PRTFDC1: variants seen among roughly 807,000 people sequenced by gnomAD.
PRTFDC1 encodes the protein phosphoribosyl transferase domain containing 1.
A neutral mutation model predicts 34.6 loss-of-function variants in PRTFDC1; 38 were observed. The observed-to-expected ratio is 1.10, with a 90% CI of 0.85 to 1.44. PRTFDC1 has a LOEUF of 1.44. Among genes scored for constraint, PRTFDC1 ranks in the 40% most tolerant of loss-of-function variants. The pLI, the probability that PRTFDC1 is intolerant of heterozygous loss-of-function variation, is 0.00. For synonymous variants in PRTFDC1, 93 were observed against 98.1 expected (o/e 0.95, Z 0.31); for missense variants, 270 against 283.0 (o/e 0.95, Z 0.33).
chr10:24,922,256 C>A (rs952318384), intron 3 of PRTFDC1, among the ~76,000 whole-genome samples: 1 of 152,128 alleles, frequency 6.6e-6, no homozygotes, highest in Admixed American at 6.6e-5. Context: ...TTGCTGCCTG[C>A]AATTATTTTC....
intron 1 of PRTFDC1, among the ~76,000 whole-genome samples, chr10:24,949,980 C>A (rs923452053): frequency 1.3e-5 from 2 of 151,942 alleles, no homozygotes; most frequent in East Asian, 3.9e-4. Flanking sequence ...GAGATCCACC[C>A]ACCTCGGCCT....
In PRTFDC1 at chr10:24,888,317, G is replaced by C. The variant is rs1848204648; in HGVS notation, c.340-16254C>G. Among the ~76,000 whole-genome samples the C allele has an allele frequency of 2.0e-5, 3 of 152,214 alleles. No homozygotes were observed. The South Asian group carries it at 6.2e-4, about 32-fold the overall frequency. Reference sequence around the variant, plus strand: ...GTGGCTCAGACCCTGCCCTGCCCCTGTCTTAAGCTCCCTGATGCTAGTCTT... The same window carrying C: ...GTGGCTCAGACCCTGCCCTGCCCCTCTCTTAAGCTCCCTGATGCTAGTCTT... On this transcript the variant is annotated intron_variant, in intron 3 of 8. Coordinates refer to ENST00000320152, the MANE Select transcript of PRTFDC1 (RefSeq NM_020200.7).
intron 2 of PRTFDC1, among the ~76,000 whole-genome samples, chr10:24,939,157 C>A (rs866733386): frequency 1.3e-5 from 2 of 151,752 alleles, no homozygotes; most frequent in African/African-American, 4.8e-5. Context: ...AAAAATTAGC[C>A]GGGCTTGGTG....
At chr10:24,928,756 G>A (rs1848920777) in intron 3 of PRTFDC1, among the ~76,000 whole-genome samples, 2 of 151,648 alleles carry the variant, frequency 1.3e-5, no homozygotes, top group Non-Finnish European at 2.9e-5. Context: ...AGAAGCTTTC[G>A]GCTGAGCGCA....
At chr10:24,916,317 A>G (rs1278637200) in intron 3 of PRTFDC1, among the ~76,000 whole-genome samples, 1 of 152,156 alleles carries the variant, frequency 6.6e-6, no homozygotes, top group South Asian at 2.1e-4. Flanking sequence ...TACCCCTTTC[A>G]TTCTATTCTC....
intron 4 of PRTFDC1, among the ~76,000 whole-genome samples, chr10:24,865,730 GCA>G (rs1847763365): frequency 6.6e-6 from 1 of 152,200 alleles, no homozygotes; most frequent in Admixed American, 6.5e-5. Flanking sequence ...GTATTTTAGA[GCA>G]CACAGTGATT....
chr10:24,941,620 G>A (rs556490074), intron 2 of PRTFDC1, among the ~76,000 whole-genome samples: 4 of 152,234 alleles, frequency 2.6e-5, no homozygotes, highest in African/African-American at 9.6e-5. Flanking sequence ...AAGTTTACTG[G>A]ATGATTCTCT....
intron 3 of PRTFDC1, among the ~76,000 whole-genome samples, chr10:24,904,233 C>G (rs11014290): frequency 0.15 from 21,856 of 150,358 alleles, 1,789 homozygotes; most frequent in East Asian, 0.29. Context: ...ATTTATACCA[C>G]TAAGATTCTC....
chr10:24,929,040 C>CAAAAAAA lies in PRTFDC1; in HGVS notation c.339+8137_339+8143dup, dbSNP rs536613455. Among the ~76,000 whole-genome samples, 30 of 73,566 alleles carry CAAAAAAA rather than the reference C, an allele frequency of 4.1e-4. 1 individual carries two copies. The highest frequency in any genetic ancestry group is 8.8e-3 in the Middle Eastern group (1 of 114). The allele number at this position is 73,566 out of a possible 152,430, so 48.3% of individuals were successfully genotyped here. On this transcript the variant is annotated intron_variant, in intron 3 of 8. Transcript: ENST00000320152. The stretch of plus-strand genomic sequence containing the variant: ...TAGGCGACAGAGGCAGACTCCGTCT[C>CAAAAAAA]AAAAAAAAAAAAAAAGAAAGAAAGA...
intron 3 of PRTFDC1, among the ~76,000 whole-genome samples, chr10:24,875,228 T>C (rs539164471): frequency 1.1e-3 from 162 of 152,356 alleles, no homozygotes; most frequent in African/African-American, 3.6e-3. Flanking sequence ...AATTAGCATA[T>C]CCAACACTTC....
chr10:24,939,301 C>T (rs1483883411), intron 2 of PRTFDC1, among the ~76,000 whole-genome samples: 1 of 89,810 alleles, frequency 1.1e-5, no homozygotes, highest in African/African-American at 4.3e-5. Flanking sequence ...AACTCTGACT[C>T]AAAAAAAAAA....
chr10:24,904,005 A>G (rs1056903658), intron 3 of PRTFDC1, among the ~76,000 whole-genome samples: 4 of 151,972 alleles, frequency 2.6e-5, no homozygotes, highest in African/African-American at 9.7e-5. Flanking sequence ...CTATTCTAAG[A>G]ACTGTATTTG....
chr10:24,879,727 G>A (rs1469575703), intron 3 of PRTFDC1, among the ~76,000 whole-genome samples: 3 of 152,180 alleles, frequency 2.0e-5, no homozygotes, highest in Admixed American at 2.0e-4. Context: ...AAACTATTAA[G>A]TGGGTGCAAA....
At chr10:24,923,179 C>T (rs1031173989) in intron 3 of PRTFDC1, among the ~76,000 whole-genome samples, 14 of 152,244 alleles carry the variant, frequency 9.2e-5, no homozygotes, top group Non-Finnish European at 1.8e-4. Flanking sequence ...CACAGCTCAG[C>T]AAGGCCTACC....
In PRTFDC1 at chr10:24,872,788, G is replaced by GTGTATA. The variant is rs1200742472; in HGVS notation, c.340-726_340-725insTATACA. ...TGTGTATATATATATGTGTGTGTGT[G>GTGTATA]TATATATATATATATATATTTTTTT... is the stretch of plus-strand genomic sequence containing the variant. On this transcript the variant is annotated intron_variant, in intron 3 of 8. Coordinates refer to ENST00000320152, the MANE Select transcript of PRTFDC1 (RefSeq NM_020200.7). Among the ~76,000 whole-genome samples, 243 of 83,174 alleles carry GTGTATA rather than the reference G, an allele frequency of 2.9e-3. 5 individuals are homozygous for GTGTATA. Among genetic ancestry groups the GTGTATA allele is most frequent in the East Asian group, 5.9e-3 (17 of 2,902 alleles). The allele number at this position is 83,174 out of a possible 152,430, so 54.6% of individuals were successfully genotyped here. A position where few individuals can be genotyped will look rare whatever the true frequency, so the allele number is the denominator to read the frequency against.
At chr10:24,874,010 C>T (rs7897201) in intron 3 of PRTFDC1, among the ~76,000 whole-genome samples, 3,982 of 151,010 alleles carry the variant, frequency 0.026, 176 homozygotes, top group African/African-American at 0.091. Flanking sequence ...TGGGCTCAAG[C>T]GATCCTCCTG....
chr10:24,895,347 G>A (rs569798333), intron 3 of PRTFDC1, among the ~76,000 whole-genome samples: 2 of 136,540 alleles, frequency 1.5e-5, no homozygotes, highest in East Asian at 4.8e-4. Context: ...TGCCCCCTGG[G>A]TTCAAGACAT....
rs754717241 is a variant in PRTFDC1 at position 24,937,220 on chromosome 10, TG to T, written c.302del (p.Ser101Ter). Reference sequence around the variant, plus strand: ...TTAGTCTGATGAAATCAACCTTCATTGAGACAAATCGATCTGAATTTCGGCT... The same window carrying T: ...TTAGTCTGATGAAATCAACCTTCATTAGACAAATCGATCTGAATTTCGGCT... ...NISRNSDRFV[S>X]MKVDFIRLKS... On this transcript the variant is annotated frameshift_variant, in exon 3 of 9. Coordinates refer to ENST00000320152, the MANE Select transcript of PRTFDC1 (RefSeq NM_020200.7). LOFTEE classifies it high-confidence loss of function. 2 of 1,613,704 alleles carry T rather than the reference TG, an allele frequency of 1.2e-6. No individual in the cohort carries two copies. The highest frequency in any genetic ancestry group is 2.7e-5 in the African/African-American group (2 of 74,898).
At chr10:24,923,810 T>C (rs970752675) in intron 3 of PRTFDC1, among the ~76,000 whole-genome samples, 6 of 151,954 alleles carry the variant, frequency 3.9e-5, no homozygotes, top group Non-Finnish European at 8.8e-5. Context: ...GTTTGAGGAG[T>C]TGACAGAAGT....
Sources: gnomAD v4.1 joint callset for allele counts (sites outside exome capture counted in the v4.1 genomes callset) on GRCh38, gnomAD v4.1.1 for gene constraint, MANE v1.5 for transcripts, NCBI Gene and HGNC (gene_info 2026-07-23, HGNC 2026-07-21) for gene names.